CPNE2: variants seen among roughly 807,000 people sequenced by gnomAD.
CPNE2 encodes copine 2, also known as copine-2.
Under a neutral mutation model 69.7 loss-of-function variants are expected in CPNE2, and 42 were observed. The observed-to-expected ratio is 0.60, with a 90% CI of 0.47 to 0.78. CPNE2 has a LOEUF of 0.78. CPNE2 is among the 30% of genes least tolerant of loss of function. The pLI is 0.00. For missense variants in CPNE2, 587 were observed against 732.0 expected (o/e 0.80, Z 2.29); for synonymous variants, 294 against 289.8 (o/e 1.01, Z -0.15).
chr16:57,117,643 G>A (rs761084141), intron 5 of CPNE2, 76 bp downstream of exon 5: 115 of 1,509,810 alleles, frequency 7.6e-5, no homozygotes, highest in East Asian at 1.6e-4. Context: ...GCCTCATTCC[G>A]GGACCTCGGG....
chr16:57,132,816 T>G (rs1279182252), intron 12 of CPNE2, among the ~76,000 whole-genome samples: 1 of 152,160 alleles, frequency 6.6e-6, no homozygotes, highest in Non-Finnish European at 1.5e-5. Flanking sequence ...AACCTCACTC[T>G]TTCCAGCTAT....
At chr16:57,106,601 C>T (rs1159950843) in intron 1 of CPNE2, among the ~76,000 whole-genome samples, 1 of 150,508 alleles carries the variant, frequency 6.6e-6, no homozygotes, top group Non-Finnish European at 1.5e-5. Flanking sequence ...TGCCTGACAC[C>T]CTCAGGATGA....
chr16:57,146,215 C>A lies in CPNE2; in HGVS notation c.1433C>A (p.Ala478Asp). ...GTGGGCGTGGGCAATGCGGACTTCG[C>A]TGCCATGGAGTTCCTGGATGGGGAC... ...IIVGVGNADF[A>D]AMEFLDGDSR... Residue 478 changes from alanine (A) to aspartate (D), a missense_variant, in exon 15 of 16, where the codon GCT (alanine) becomes GAT (aspartate). Around this residue, in one of 5 missense-constraint regions of CPNE2, gnomAD observed 185 missense variants for 252.3 expected, o/e 0.73. Transcript: ENST00000290776. This position sits in a 1 kb window ranked among gnomAD's most constrained non-coding sequence, Gnocchi z 4.4. 6.4e-7 allele frequency: 1 copy of A among 1,567,080 alleles called. No homozygotes were observed. Among genetic ancestry groups the A allele is most frequent in the South Asian group, 1.2e-5 (1 of 85,642 alleles).
intron 1 of CPNE2, among the ~76,000 whole-genome samples, chr16:57,096,978 A>G (rs2069581816): frequency 6.6e-6 from 1 of 151,982 alleles, no homozygotes. Context: ...AGCGCATGCA[A>G]AGGCCCTGTG....
intron 3 of CPNE2, among the ~76,000 whole-genome samples, chr16:57,114,308 T>G (rs2069701862): frequency 6.6e-6 from 1 of 152,118 alleles, no homozygotes; most frequent in Admixed American, 6.5e-5. Flanking sequence ...GCTGACCACC[T>G]TCACCTGGAA....
chr16:57,124,750 A>C (rs574082232), intron 10 of CPNE2: 10 of 232,430 alleles, frequency 4.3e-5, no homozygotes, highest in South Asian at 3.1e-4. Flanking sequence ...CCCCATCACC[A>C]CCCCTAGATC....
At chr16:57,105,145 T>C (rs1393088196) in intron 1 of CPNE2, among the ~76,000 whole-genome samples, 1 of 152,134 alleles carries the variant, frequency 6.6e-6, no homozygotes, top group African/African-American at 2.4e-5. Flanking sequence ...TGGGTCAGGG[T>C]GTGTCTGGGC....
chr16:57,121,932 C>T (rs2069765806), intron 9 of CPNE2, among the ~76,000 whole-genome samples, 172 bp downstream of exon 9: 1 of 152,218 alleles, frequency 6.6e-6, no homozygotes, highest in Non-Finnish European at 1.5e-5. Context: ...GTCTCCTCAT[C>T]TGTGGAATGG....
rs145791942 is a variant in CPNE2 at position 57,112,879 on chromosome 16, C to T, written c.181-409C>T. 5.5e-3 allele frequency: 880 copies of T among 159,192 alleles called. 5 individuals carry two copies. The highest frequency in any genetic ancestry group is 0.02 in the African/African-American group (827 of 41,860). The allele number at this position is 159,192 out of a possible 1,614,324, so 9.9% of individuals were successfully genotyped here. A position where few individuals can be genotyped will look rare whatever the true frequency, so the allele number is the denominator to read the frequency against. On this transcript the variant is annotated intron_variant, in intron 2 of 15. Coordinates refer to ENST00000290776, the MANE Select transcript of CPNE2 (RefSeq NM_152727.6). ...TTTTCCCAAAATAAAAAGTGAAAAC[C>T]GCAAGTAGTCAAATCCTTTCCCTTT...
At chr16:57,134,677 G>T (rs1597504050) in intron 12 of CPNE2, 98 bp from the exon 13 acceptor site, 1 of 1,296,174 alleles carries the variant, frequency 7.7e-7, no homozygotes, top group South Asian at 1.2e-5. Context: ...GTTATGAGCC[G>T]GTGCTCTCAA....
At position 57,143,343 on chromosome 16, in the gene CPNE2, C is replaced by T. The variant is rs61277680; in HGVS notation, c.1303-2742C>T. 566 of 152,402 alleles carry T rather than the reference C, an allele frequency of 3.7e-3. 3 individuals are homozygous for T. The highest frequency in any genetic ancestry group is 0.012 in the African/African-American group (481 of 41,546). 9.4% of individuals were successfully genotyped at this position (152,402 alleles called of 1,614,324 possible). On this transcript the variant is annotated intron_variant, in intron 14 of 15. Coordinates refer to ENST00000290776, the MANE Select transcript of CPNE2 (RefSeq NM_152727.6). ...GCTGGTTGATTGGCACATAGGGGTG[C>T]GGGTTAAAGTCCAGTACCAGGGCTC...
chr16:57,100,818 G>T (rs1212578605), intron 1 of CPNE2, among the ~76,000 whole-genome samples: 1 of 152,194 alleles, frequency 6.6e-6, no homozygotes, highest in Non-Finnish European at 1.5e-5. Context: ...CTGACAGGGT[G>T]GGGGTGGGCT....
rs1309567082 is a variant in CPNE2 at position 57,113,417 on chromosome 16, C to A, written c.310C>A (p.Arg104=). 6.2e-7 allele frequency: 1 copy of A among 1,614,106 alleles called. No individual in the cohort carries two copies. Among genetic ancestry groups the A allele is most frequent in the Admixed American group, 1.7e-5 (1 of 60,014 alleles). ...ALFDQDKSSM[R]LDEHDFLGQF... ...CTTTGACCAGGACAAGTCCAGTATG[C>A]GGCTGGACGAGCATGACTTCCTGGG... is the stretch of plus-strand genomic sequence containing the variant. Residue 104 remains arginine, a synonymous_variant, in exon 3 of 16, where the codon CGG becomes AGG. Transcript: ENST00000290776.
intron 9 of CPNE2, 152 bp from the exon 10 acceptor site, chr16:57,123,262 A>C: frequency 5.4e-6 from 4 of 744,924 alleles, no homozygotes; most frequent in Non-Finnish European, 9.4e-6. Flanking sequence ...TTTGTTATAG[A>C]GAGATTTGGG....
At chr16:57,137,759 C>G (rs901611107) in intron 14 of CPNE2, among the ~76,000 whole-genome samples, 2 of 152,214 alleles carry the variant, frequency 1.3e-5, no homozygotes, top group Non-Finnish European at 2.9e-5. Flanking sequence ...TGCGTGGCAT[C>G]TGGAATATAT....
At chr16:57,134,513 A>G (rs2069862522) in intron 12 of CPNE2, among the ~76,000 whole-genome samples, 1 of 152,160 alleles carries the variant, frequency 6.6e-6, no homozygotes. Flanking sequence ...AGGCAGCCCC[A>G]GTCCCCAGAA....
rs533172938 is a variant in CPNE2, at chr16:57,117,584, A to G, written c.507+17A>G. 2.2e-4 allele frequency: 347 copies of G among 1,612,188 alleles called. 3 individuals carry two copies. In the South Asian group the frequency reaches 3.7e-3, roughly 17 times the overall value. On this transcript the variant is annotated intron_variant, in intron 5 of 15. Coordinates refer to ENST00000290776, the MANE Select transcript of CPNE2 (RefSeq NM_152727.6). ...GACAAGAAGGTAAGGCGGGCAGAGG[A>G]AGGGCTCCCATTGGGAACAGTAGCC... is the stretch of plus-strand genomic sequence containing the variant.
rs138897886 is a variant in CPNE2, at chr16:57,113,326, C to T, written c.219C>T (p.Pro73=). 60 of 1,614,184 alleles carry T rather than the reference C, an allele frequency of 3.7e-5. 1 individual carries two copies. The South Asian group carries it at 4.2e-4, about 11-fold the overall frequency. ...RTETAINNLN[P]AFSKKFVLDY... is the part of the protein sequence containing the mutation. Reference sequence around the variant, plus strand: ...AAACCGCGATCAACAACCTCAACCCCGCCTTCTCCAAGAAGTTCGTGCTTG... The same window carrying T: ...AAACCGCGATCAACAACCTCAACCCTGCCTTCTCCAAGAAGTTCGTGCTTG... Residue 73 remains proline, a synonymous_variant, in exon 3 of 16, where the codon CCC becomes CCT. Transcript: ENST00000290776.
chr16:57,125,400 A>G (rs1400158220), intron 10 of CPNE2: 1 of 455,392 alleles, frequency 2.2e-6, no homozygotes, highest in Admixed American at 2.4e-5. Context: ...GATAATGGGG[A>G]GATGGCTTGG....
Sources: gnomAD v4.1 joint callset for allele counts (sites outside exome capture counted in the v4.1 genomes callset) on GRCh38, gnomAD v4.1.1 for gene constraint, gnomAD v4.1.1 regional missense constraint, Gnocchi (gnomAD v3.1) non-coding constraint, MANE v1.5 for transcripts, NCBI Gene and HGNC (gene_info 2026-07-23, HGNC 2026-07-21) for gene names.